AMPH: variants seen among roughly 807,000 people sequenced by gnomAD.
AMPH encodes amphiphysin, also known as amphiphysin (Stiff-Mann syndrome with breast cancer 128kD autoantigen).
AMPH carries 49 observed loss-of-function variants against 99.1 expected under a neutral mutation model. That is an observed-to-expected ratio of 0.49 (90% CI 0.39 to 0.63). AMPH has a LOEUF of 0.63. Among genes scored for constraint, AMPH ranks in the 20% least tolerant of loss-of-function variants. The pLI, the probability that AMPH is intolerant of heterozygous loss-of-function variation, is 0.00. For missense variants in AMPH, 759 were observed against 863.4 expected (o/e 0.88, Z 1.52); for synonymous variants, 314 against 317.3 (o/e 0.99, Z 0.11).
intron 1 of AMPH, among the ~76,000 whole-genome samples, chr7:38,628,348 C>T (rs553380981): frequency 2.0e-5 from 3 of 152,186 alleles, no homozygotes; most frequent in Non-Finnish European, 2.9e-5. Context: ...GGAAGGCAAT[C>T]TAGCTATAAT....
intron 16 of AMPH, among the ~76,000 whole-genome samples, chr7:38,420,720 C>G (rs957497991): frequency 1.3e-5 from 2 of 152,070 alleles, no homozygotes; most frequent in African/African-American, 2.4e-5. Flanking sequence ...TCCAATGTGG[C>G]CTTGTATCCA....
intron 1 of AMPH, among the ~76,000 whole-genome samples, chr7:38,565,264 A>G (rs74976603): frequency 0.033 from 5,026 of 152,178 alleles, 272 homozygotes; most frequent in African/African-American, 0.11. Flanking sequence ...CCCTGTTTTC[A>G]TGAGCTATGC....
At chr7:38,527,808 C>A (rs1790245102) in intron 2 of AMPH, among the ~76,000 whole-genome samples, 3 of 152,144 alleles carry the variant, frequency 2.0e-5, no homozygotes, top group Non-Finnish European at 4.4e-5. Context: ...GACATCCTTG[C>A]CTTGTTTTCA....
intron 2 of AMPH, among the ~76,000 whole-genome samples, chr7:38,518,462 A>T (rs1197683399): frequency 1.3e-5 from 2 of 152,236 alleles, no homozygotes; most frequent in African/African-American, 4.8e-5. Context: ...GCCCAACCCC[A>T]GCCACAGTGT....
intron 1 of AMPH, among the ~76,000 whole-genome samples, chr7:38,613,028 TTCTGAC>T (rs1218770877): frequency 6.6e-6 from 1 of 152,192 alleles, no homozygotes; most frequent in Non-Finnish European, 1.5e-5. Context: ...AAAATATTAG[TTCTGAC>T]TCTAACTGCA....
At chr7:38,571,110 A>G (rs188921094) in intron 1 of AMPH, among the ~76,000 whole-genome samples, 9,150 of 69,342 alleles carry the variant, frequency 0.13, 1,174 homozygotes, top group Non-Finnish European at 0.18. Flanking sequence ...ATATATTCAT[A>G]TATACAGTAT....
At chr7:38,401,380 T>C (rs940921045) in intron 17 of AMPH, among the ~76,000 whole-genome samples, 1 of 152,216 alleles carries the variant, frequency 6.6e-6, no homozygotes, top group Non-Finnish European at 1.5e-5. Context: ...GGATCCTCAA[T>C]AGACATGTCA....
At chr7:38,495,064 T>G (rs187639379) in intron 3 of AMPH, among the ~76,000 whole-genome samples, 1 of 152,280 alleles carries the variant, frequency 6.6e-6, no homozygotes, top group East Asian at 1.9e-4. Context: ...GGCCTAAAAT[T>G]TTTACAAAGA....
intron 16 of AMPH, among the ~76,000 whole-genome samples, chr7:38,420,525 T>C (rs558822192): frequency 3.9e-5 from 6 of 152,270 alleles, no homozygotes; most frequent in Non-Finnish European, 8.8e-5. Flanking sequence ...TTTACAGATA[T>C]TGGTGGCAGC....
rs376375063 is a variant in AMPH, at chr7:38,433,436, A to G, written c.1135-1224T>C. Among the ~76,000 whole-genome samples the G allele has an allele frequency of 5.9e-5, 9 of 152,208 alleles. No individual in the cohort carries two copies. The East Asian group carries it at 7.7e-4, about 13-fold the overall frequency. On this transcript the variant is annotated intron_variant, in intron 12 of 20. Coordinates refer to ENST00000356264, the MANE Select transcript of AMPH (RefSeq NM_001635.4). ...TTGCTTCATAGCCACTTAAGAATCAAAGATCATGGCCGGGCGCGGTGGCTC... is the reference window on the plus strand; with the variant it reads ...TTGCTTCATAGCCACTTAAGAATCAGAGATCATGGCCGGGCGCGGTGGCTC...
chr7:38,578,902 T>TA (rs145668537), intron 1 of AMPH, among the ~76,000 whole-genome samples: 2,569 of 152,336 alleles, frequency 0.017, 61 homozygotes, highest in African/African-American at 0.052. Context: ...TCCAGCCTAA[T>TA]AAAAAACAGC....
At chr7:38,577,403 A>G (rs1792285649) in intron 1 of AMPH, among the ~76,000 whole-genome samples, 1 of 152,202 alleles carries the variant, frequency 6.6e-6, no homozygotes, top group African/African-American at 2.4e-5. Context: ...AAGGGTATCC[A>G]CTGGAATGCC....
At chr7:38,559,887 C>T (rs900838288) in intron 1 of AMPH, among the ~76,000 whole-genome samples, 4 of 152,134 alleles carry the variant, frequency 2.6e-5, no homozygotes, top group Admixed American at 6.5e-5. Flanking sequence ...ACACCTATGG[C>T]GCCTGTATAC....
At chr7:38,474,270 A>G (rs1162532973) in intron 7 of AMPH, among the ~76,000 whole-genome samples, 1 of 152,132 alleles carries the variant, frequency 6.6e-6, no homozygotes, top group African/African-American at 2.4e-5. Context: ...ATAAAATAAA[A>G]TGAAATAAAT....
intron 17 of AMPH, among the ~76,000 whole-genome samples, chr7:38,401,514 G>A (rs1233986055): frequency 6.6e-6 from 1 of 152,152 alleles, no homozygotes; most frequent in Non-Finnish European, 1.5e-5. Flanking sequence ...AGCACCTTAT[G>A]TAATTGGTAA....
intron 1 of AMPH, among the ~76,000 whole-genome samples, chr7:38,580,559 G>A (rs1174619026): frequency 2.0e-5 from 3 of 152,080 alleles, no homozygotes; most frequent in Non-Finnish European, 2.9e-5. Context: ...TGCTCTGTAC[G>A]AATGGACCAG....
chr7:38,460,762 G>T (rs748776035), intron 11 of AMPH, among the ~76,000 whole-genome samples: 1 of 152,182 alleles, frequency 6.6e-6, no homozygotes, highest in Non-Finnish European at 1.5e-5. Context: ...CATACAGTTA[G>T]ATTGAACAAA....
chr7:38,526,644 T>C (rs1790201894), intron 2 of AMPH, among the ~76,000 whole-genome samples: 1 of 152,066 alleles, frequency 6.6e-6, no homozygotes, highest in Admixed American at 6.6e-5. Context: ...AGTTTTAAGT[T>C]TCTTTTACGT....
intron 5 of AMPH, among the ~76,000 whole-genome samples, chr7:38,484,090 G>A (rs1334905192): frequency 5.9e-5 from 9 of 151,990 alleles, no homozygotes; most frequent in Non-Finnish European, 1.3e-4. Context: ...AAAAACAAAT[G>A]CAAAATAGTG....
Sources: gnomAD v4.1 joint callset for allele counts (sites outside exome capture counted in the v4.1 genomes callset) on GRCh38, gnomAD v4.1.1 for gene constraint, MANE v1.5 for transcripts, NCBI Gene and HGNC (gene_info 2026-07-23, HGNC 2026-07-21) for gene names.